Variants in BBS9 observed in about 807,000 individuals in gnomAD.
BBS9 encodes protein PTHB1.
Under a neutral mutation model 117.7 loss-of-function variants are expected in BBS9, and 89 were observed. That is an observed-to-expected ratio of 0.76 (90% CI 0.64 to 0.90). The LOEUF (loss-of-function observed/expected upper bound fraction) is 0.90, where lower values mean the gene tolerates loss of function less well. BBS9 is among the 40% of genes least tolerant of loss of function. The pLI, the probability that BBS9 is intolerant of heterozygous loss-of-function variation, is 0.00. For synonymous variants in BBS9, 379 were observed against 370.9 expected (o/e 1.02, Z -0.25); for missense variants, 982 against 1,042.2 (o/e 0.94, Z 0.80).
chr7:33,456,035 T>A (rs548135135), intron 19 of BBS9, among the ~76,000 whole-genome samples: 2 of 152,342 alleles, frequency 1.3e-5, no homozygotes, highest in East Asian at 3.9e-4. Flanking sequence ...CATGGGGTCC[T>A]ACACGCATGT....
intron 1 of BBS9, among the ~76,000 whole-genome samples, chr7:33,141,335 C>A (rs73309405): frequency 1.3e-5 from 2 of 151,938 alleles, no homozygotes; most frequent in Admixed American, 1.3e-4. Context: ...GGCAGGAGAT[C>A]GCCTGAACTT....
rs566035152 is a variant in BBS9, at chr7:33,273,249, A to G, written c.886+54A>G. On this transcript the variant is annotated intron_variant, in intron 8 of 22. Transcript: ENST00000242067. Reference sequence around the variant, plus strand: ...TCCATATGTCAAGGCTATGTGATATACACCAGAAAAAGCCACACTCATACA... The same window carrying G: ...TCCATATGTCAAGGCTATGTGATATGCACCAGAAAAAGCCACACTCATACA... The G allele has an allele frequency of 1.9e-6, 3 of 1,576,868 alleles. No individual in the cohort carries two copies. The East Asian group carries it at 6.7e-5, about 35-fold the overall frequency.
chr7:33,236,568 T>A (rs1329852791), intron 5 of BBS9, among the ~76,000 whole-genome samples: 1 of 151,936 alleles, frequency 6.6e-6, no homozygotes, highest in African/African-American at 2.4e-5. Context: ...TACCTCATCA[T>A]TTAAAAAATA....
intron 5 of BBS9, among the ~76,000 whole-genome samples, chr7:33,204,406 CAA>C (rs569185367): frequency 6.0e-5 from 8 of 134,120 alleles, no homozygotes; most frequent in Admixed American, 1.5e-4. Flanking sequence ...GACTCCATCT[CAA>C]AAAAAAAAAA....
chr7:33,369,450 A>G (rs1822446557), intron 17 of BBS9, among the ~76,000 whole-genome samples: 1 of 152,356 alleles, frequency 6.6e-6, no homozygotes, highest in East Asian at 1.9e-4. Flanking sequence ...CCAAAAATCA[A>G]TTATATATCT....
At position 33,317,520 on chromosome 7, in the gene BBS9, A is replaced by T. The variant is rs923635240; in HGVS notation, c.1017-18921A>T. Among the ~76,000 whole-genome samples, 32 of 152,280 alleles carry T rather than the reference A, an allele frequency of 2.1e-4. 1 individual carries two copies. Among genetic ancestry groups the T allele is most frequent in the African/African-American group, 7.5e-4 (31 of 41,542 alleles). On this transcript the variant is annotated intron_variant, in intron 9 of 22. Coordinates refer to ENST00000242067, the MANE Select transcript of BBS9 (RefSeq NM_198428.3). ...TTAAAGCATATTTCTGTTCAAATAA[A>T]GTAGAGGCAACACCTTTTCGTCCAT...
In BBS9 at chr7:33,534,103, C is replaced by A. The variant is rs375606348; in HGVS notation, c.2448C>A (p.Cys816Ter). Residue 816 changes from cysteine to a stop codon, truncating the protein, a stop_gained, in exon 21 of 23, where the codon TGC (cysteine) becomes TGA (stop). Coordinates refer to ENST00000242067, the MANE Select transcript of BBS9 (RefSeq NM_198428.3). LOFTEE classifies it high-confidence loss of function. ...SQLKKHITLL[C>*]DRLSKGGRLC... Reference sequence around the variant, plus strand: ...TGAAGAAACATATCACCTTGCTCTGCGATAGATTATCCAAAGGTGGCCGTC... The same window carrying A: ...TGAAGAAACATATCACCTTGCTCTGAGATAGATTATCCAAAGGTGGCCGTC... 4 of 1,614,020 alleles carry A rather than the reference C, an allele frequency of 2.5e-6. No individual in the cohort carries two copies. The highest frequency in any genetic ancestry group is 1.3e-5 in the African/African-American group (1 of 74,880).
chr7:33,351,788 C>T, intron 14 of BBS9: 1 of 251,400 alleles, frequency 4.0e-6, no homozygotes, highest in Non-Finnish European at 7.8e-6. Context: ...CACACCTGAG[C>T]TGATGAGGCC....
chr7:33,278,564 A>G (rs1463080432), intron 9 of BBS9, among the ~76,000 whole-genome samples: 3 of 152,162 alleles, frequency 2.0e-5, no homozygotes, highest in Non-Finnish European at 4.4e-5. Flanking sequence ...GCTGTTTCCC[A>G]TATCAGGAGG....
chr7:33,173,027 A>G (rs1053511192), intron 4 of BBS9, among the ~76,000 whole-genome samples: 9 of 152,208 alleles, frequency 5.9e-5, no homozygotes, highest in East Asian at 3.9e-4. Flanking sequence ...AAGATAGCCA[A>G]TGAAATTCCA....
At chr7:33,464,677 G>C (rs760943626) in intron 19 of BBS9, among the ~76,000 whole-genome samples, 70 of 151,666 alleles carry the variant, frequency 4.6e-4, no homozygotes, top group Non-Finnish European at 9.0e-4. Flanking sequence ...TTCATTCTCA[G>C]TTTTTATATT....
rs529150503 is a variant in BBS9, at chr7:33,503,314, C to T, written c.2116-2149C>T. 3.3e-5 allele frequency among the ~76,000 whole-genome samples: 5 copies of T among 152,212 alleles called. No individual in the cohort carries two copies. In the East Asian group the frequency reaches 5.8e-4, roughly 18 times the overall value. On this transcript the variant is annotated intron_variant, in intron 19 of 22. Transcript: ENST00000242067. ...GGCAAATACCTTATATTTGCTGAGC[C>T]GCAGAGTTCTCATCTGTGAAAGAAA...
chr7:33,392,538 G>T (rs768568730), intron 19 of BBS9, among the ~76,000 whole-genome samples: 45 of 152,194 alleles, frequency 3.0e-4, no homozygotes, highest in Admixed American at 3.3e-4. Flanking sequence ...TGTTCCATTG[G>T]CTTTGGTCAA....
At chr7:33,596,741 T>C (rs1042441584) in intron 21 of BBS9, among the ~76,000 whole-genome samples, 2 of 152,186 alleles carry the variant, frequency 1.3e-5, no homozygotes, top group Admixed American at 6.6e-5. Context: ...TCTAATGTCT[T>C]GTGTAGAAGT....
chr7:33,361,529 A>G (rs1198413371), intron 16 of BBS9, among the ~76,000 whole-genome samples: 1 of 152,144 alleles, frequency 6.6e-6, no homozygotes, highest in East Asian at 1.9e-4. Flanking sequence ...AAATTGTATC[A>G]CGTTATACTC....
chr7:33,617,741 A>G (rs1411273570), intron 21 of BBS9, among the ~76,000 whole-genome samples: 1 of 152,240 alleles, frequency 6.6e-6, no homozygotes, highest in Admixed American at 6.5e-5. Flanking sequence ...GCTAAAGAAC[A>G]CAGTGAATGA....
intron 5 of BBS9, among the ~76,000 whole-genome samples, chr7:33,216,660 G>T (rs1027471257): frequency 1.8e-4 from 28 of 152,202 alleles, no homozygotes; most frequent in African/African-American, 6.8e-4. Context: ...GTCATAGTTT[G>T]TGGGAGAATC....
intron 6 of BBS9, among the ~76,000 whole-genome samples, chr7:33,262,849 C>T (rs76591630): frequency 6.6e-6 from 1 of 152,246 alleles, no homozygotes; most frequent in Non-Finnish European, 1.5e-5. Context: ...CTTTCTCTTC[C>T]TGAACCTATA....
chr7:33,154,649 A>G (rs943312710), intron 3 of BBS9, among the ~76,000 whole-genome samples: 6 of 152,034 alleles, frequency 3.9e-5, no homozygotes, highest in African/African-American at 1.4e-4. Flanking sequence ...TATTTTTAGT[A>G]GAGACAGGGT....
Sources: gnomAD v4.1 joint callset for allele counts (sites outside exome capture counted in the v4.1 genomes callset) on GRCh38, gnomAD v4.1.1 for gene constraint, MANE v1.5 for transcripts, NCBI Gene and HGNC (gene_info 2026-07-23, HGNC 2026-07-21) for gene names.